Variants in ACSM2B observed in about 807,000 individuals in gnomAD.
ACSM2B encodes the protein acyl-CoA synthetase medium chain family member 2B.
Under a neutral mutation model 78.6 loss-of-function variants are expected in ACSM2B, and 58 were observed. The ratio of observed to expected loss-of-function variants is 0.74; its 90% CI spans 0.60 to 0.92. The LOEUF is 0.92. Ranked by LOEUF, ACSM2B falls within the 40% of genes least tolerant of loss-of-function variation. ACSM2B has a pLI of 0.00. For missense variants in ACSM2B, 688 were observed against 711.2 expected (o/e 0.97, Z 0.37); for synonymous variants, 257 against 256.8 (o/e 1.00, Z -0.01).
At chr16:20,550,424 T>A (rs1485678786) in intron 6 of ACSM2B, among the ~76,000 whole-genome samples, 1 of 152,156 alleles carries the variant, frequency 6.6e-6, no homozygotes, top group Non-Finnish European at 1.5e-5. Flanking sequence ...ATTTCCTTAG[T>A]CTTTTCCACC....
intron 8 of ACSM2B, chr16:20,547,536 T>G: frequency 1.0e-6 from 1 of 977,284 alleles, no homozygotes; most frequent in South Asian, 4.7e-5. Context: ...TAAAATAGTA[T>G]AGAATAGCAT....
At chr16:20,566,712 T>TATATAGTAC in intron 1 of ACSM2B, among the ~76,000 whole-genome samples, 1 of 44,998 alleles carries the variant, frequency 2.2e-5, no homozygotes, top group African/African-American at 1.4e-4. Context: ...ATATATAGTA[T>TATATAGTAC]ATATAGTATA....
At chr16:20,558,368 C>T (rs576198253) in intron 3 of ACSM2B, among the ~76,000 whole-genome samples, 1 of 145,814 alleles carries the variant, frequency 6.9e-6, no homozygotes, top group Non-Finnish European at 1.5e-5. Context: ...CCAAAGCATC[C>T]TTGAAAAACT....
chr16:20,554,001 C>T (rs2015394801), intron 4 of ACSM2B, 81 bp from the exon 5 acceptor site: 2 of 1,594,902 alleles, frequency 1.3e-6, no homozygotes, highest in African/African-American at 2.7e-5. Flanking sequence ...TCCCACCACC[C>T]ACTGTGCTGA....
At chr16:20,566,689 CTATATATAGTATATATATAG>C (rs1567218313) in intron 1 of ACSM2B, among the ~76,000 whole-genome samples, 6 of 4,210 alleles carry the variant, frequency 1.4e-3, no homozygotes, top group African/African-American at 3.4e-3. Flanking sequence ...ATAGTATATA[CTATATATAGTATATATATAG>C]TATATATAGT....
rs116621332 is a variant in ACSM2B, at chr16:20,560,479, T to G, written c.178-1032A>C. 6.9e-3 allele frequency among the ~76,000 whole-genome samples: 1,056 copies of G among 152,196 alleles called. 18 individuals are homozygous for G. Among genetic ancestry groups the G allele is most frequent in the South Asian group, 0.036 (171 of 4,774 alleles). ...TGCCCTTTGTTGTGCCTGCTCTTTC[T>G]TCATCTTCCAACATTATTGTAAATT... is the stretch of plus-strand genomic sequence containing the variant. On this transcript the variant is annotated intron_variant, in intron 2 of 13. Transcript: ENST00000329697.
chr16:20,542,722 C>A, intron 12 of ACSM2B, 192 bp downstream of exon 12: 2 of 684,450 alleles, frequency 2.9e-6, no homozygotes, highest in East Asian at 5.5e-5. Context: ...ATAACAATCC[C>A]TCATCTTACA....
chr16:20,540,938 T>C (rs1262957863), intron 12 of ACSM2B, 165 bp from the exon 13 acceptor site: 3 of 1,109,376 alleles, frequency 2.7e-6, no homozygotes, highest in Non-Finnish European at 2.5e-6. Flanking sequence ...AAGAATGAGG[T>C]TCCAGCTCTC....
rs1567208292 is a variant in ACSM2B, at chr16:20,548,394, C to G, written c.974G>C (p.Ser325Thr). The G allele has an allele frequency of 6.2e-7, 1 of 1,613,650 alleles. No homozygotes were observed. The highest frequency in any genetic ancestry group is 1.7e-5 in the Admixed American group (1 of 60,006). ...TTACCAATCCTCAAAGCCCCATCAC[C>G]TGGAAAGATCCTGCTGTAGCAACAT... ...YRMLLQQDLS[S>T]YKFPHLQNCL... is the part of the protein sequence containing the mutation. Residue 325 changes from serine to threonine, a missense_variant and splice_region_variant, in exon 7 of 14, where the codon AGT becomes ACT. Transcript: ENST00000329697.
At chr16:20,566,151 A>T (rs1194909618) in intron 1 of ACSM2B, among the ~76,000 whole-genome samples, 1 of 142,840 alleles carries the variant, frequency 7.0e-6, no homozygotes, top group Non-Finnish European at 1.5e-5. Flanking sequence ...TTGTTTATAT[A>T]ATATATATAT....
intron 7 of ACSM2B, 83 bp from the exon 8 acceptor site, chr16:20,548,268 T>A: frequency 6.2e-7 from 1 of 1,609,570 alleles, no homozygotes; most frequent in Non-Finnish European, 8.5e-7. Context: ...CTGGGTGCTT[T>A]GATGATGCAA....
chr16:20,567,346 A>AATATATT (rs202002300), intron 1 of ACSM2B, among the ~76,000 whole-genome samples: 3 of 113,352 alleles, frequency 2.6e-5, no homozygotes, highest in South Asian at 2.4e-4. Flanking sequence ...ATTATATATA[A>AATATATT]ATATATTATA....
chr16:20,548,991 A>T (rs2015226224), intron 6 of ACSM2B, among the ~76,000 whole-genome samples: 1 of 152,206 alleles, frequency 6.6e-6, no homozygotes, highest in Non-Finnish European at 1.5e-5. Context: ...GTGCTACAAA[A>T]AGACCTAGTA....
chr16:20,553,910 T>C lies in ACSM2B; in HGVS notation c.607A>G (p.Thr203Ala). The C allele has an allele frequency of 1.2e-6, 2 of 1,613,688 alleles. No individual in the cohort carries two copies. Among genetic ancestry groups the C allele is most frequent in the South Asian group, 1.1e-5 (1 of 91,056 alleles). ...CCAGTCTCCACACAGTGATGAGTGGTGGATGCCTCACTGACAAAGACACAG... is the reference window on the plus strand; with the variant it reads ...CCAGTCTCCACACAGTGATGAGTGGCGGATGCCTCACTGACAAAGACACAG... Reference protein sequence around the residue: ...NFKKLLNEASTTHHCVETGSQ... With the variant: ...NFKKLLNEASATHHCVETGSQ... Residue 203 changes from threonine to alanine, a missense_variant, in exon 5 of 14, where the codon ACC (threonine) becomes GCC (alanine). By Grantham distance (58) the Thr-to-Ala change is moderately conservative. Coordinates refer to ENST00000329697, the MANE Select transcript of ACSM2B (RefSeq NM_001105069.2).
Position 20,537,301 on chromosome 16 carries a change from C to T in ACSM2B, c.1691G>A (p.Arg564Gln), listed in dbSNP as rs2014868703. The change falls in exon 14 of 14, where the codon CGA becomes CAA. Residue 564 changes from arginine to glutamine, a missense_variant. Coordinates refer to ENST00000329697, the MANE Select transcript of ACSM2B (RefSeq NM_001105069.2). ...TCCGGACATCTTCCACTCCTTGTCTCGAAGTTTGGTTCGTTGAATTTTCCC... is the reference window on the plus strand; with the variant it reads ...TCCGGACATCTTCCACTCCTTGTCTTGAAGTTTGGTTCGTTGAATTTTCCC... ...VTGKIQRTKL[R>Q]DKEWKMSGKA... 5 of 1,613,916 alleles carry T rather than the reference C, an allele frequency of 3.1e-6. No individual in the cohort carries two copies. The highest frequency in any genetic ancestry group is 3.3e-5 in the Admixed American group (2 of 60,002).
Position 20,542,938 on chromosome 16 carries a change from G to GA in ACSM2B, c.1484_1485insT (p.Ser496GlnfsTer24), listed in dbSNP as rs1223485629. ...CCTCTCCTCGGACGGGGTCTGGGCT[G>GA]CTGATCACAGCCGTCTCAACCACAG... On this transcript the variant is annotated frameshift_variant, in exon 12 of 14. Coordinates refer to ENST00000329697, the MANE Select transcript of ACSM2B (RefSeq NM_001105069.2). LOFTEE classifies it high-confidence loss of function. 4.3e-6 allele frequency: 7 copies of GA among 1,613,626 alleles called. No individual in the cohort carries two copies. The highest frequency in any genetic ancestry group is 4.2e-6 in the Non-Finnish European group (5 of 1,179,864).
chr16:20,549,919 A>C, intron 6 of ACSM2B: 1 of 362,346 alleles, frequency 2.8e-6, no homozygotes, highest in Non-Finnish European at 5.4e-6. Flanking sequence ...AAGATAAATA[A>C]TTGTGGAGAC....
At chr16:20,550,564 A>G (rs1458739740) in intron 6 of ACSM2B, among the ~76,000 whole-genome samples, 1 of 152,148 alleles carries the variant, frequency 6.6e-6, no homozygotes, top group African/African-American at 2.4e-5. Flanking sequence ...GAATTTGCTT[A>G]AAACAGAGAA....
intron 8 of ACSM2B, chr16:20,547,098 G>A (rs1270619072): frequency 9.2e-6 from 9 of 981,292 alleles, no homozygotes; most frequent in Non-Finnish European, 1.1e-5. Flanking sequence ...CTCAGATCTA[G>A]CCTGGACACC....
Sources: allele counts gnomAD v4.1 joint callset (sites outside exome capture counted in the v4.1 genomes callset), GRCh38; gene constraint gnomAD v4.1.1; transcripts MANE v1.5; gene names NCBI Gene and HGNC (gene_info 2026-07-23, HGNC 2026-07-21).